The following QRICH1 variants were observed in gnomAD, a reference collection of about 807,000 sequenced individuals.
QRICH1 encodes glutamine rich 1.
In QRICH1, 16 loss-of-function variants were observed where a neutral mutation model predicts 87.1. The observed-to-expected ratio is 0.18, with a 90% CI of 0.12 to 0.28. The LOEUF (loss-of-function observed/expected upper bound fraction) is 0.28, where lower values mean the gene tolerates loss of function less well. Ranked by LOEUF, QRICH1 falls within the 10% of genes least tolerant of loss-of-function variation. The pLI, the probability that QRICH1 is intolerant of heterozygous loss-of-function variation, is 1.00. For synonymous variants in QRICH1, 367 were observed against 368.4 expected (o/e 1.00, Z 0.05); for missense variants, 647 against 951.7 (o/e 0.68, Z 4.21).
In QRICH1 at chr3:49,030,460, T is replaced by C. The variant is rs762397838; in HGVS notation, c.2323A>G (p.Met775Val). ...EAIAVANAST[M>V]H The stretch of plus-strand genomic sequence containing the variant: ...GCCATGGCCAAGGCATCTCAGTGCA[T>C]AGTGCTTGCATTGGCCACTGCGATG... The change falls in exon 10 of 10, where the codon ATG becomes GTG. Residue 775 changes from methionine (M) to valine (V), a missense_variant. Met to Val is a conservative substitution (Grantham distance 21). This residue lies in a region of QRICH1 where 56 missense variants were observed against 79.4 expected (regional missense o/e 0.71). Transcript: ENST00000395443. The C allele has an allele frequency of 3.7e-6, 6 of 1,613,144 alleles. No homozygotes were observed. In the African/African-American group the frequency reaches 4.0e-5, roughly 11 times the overall value.
chr3:49,030,670 G>A (rs781339071), intron 9 of QRICH1, 26 bp from the exon 10 acceptor site: 2 of 1,512,820 alleles, frequency 1.3e-6, no homozygotes, highest in South Asian at 2.6e-5. Context: ...ATAAAAGTTG[G>A]GTACCACCAA....
intron 4 of QRICH1, among the ~76,000 whole-genome samples, 169 bp downstream of exon 4, chr3:49,046,900 T>C (rs967699039): frequency 6.6e-6 from 1 of 152,230 alleles, no homozygotes; most frequent in African/African-American, 2.4e-5. Flanking sequence ...GCTTATTATG[T>C]ACACAAGGTC....
intron 6 of QRICH1, among the ~76,000 whole-genome samples, chr3:49,037,066 C>T (rs2093279713): frequency 1.6e-5 from 2 of 123,332 alleles, no homozygotes; most frequent in South Asian, 3.1e-4. Context: ...TCGAGACCCC[C>T]GTCTCTTAAA....
intron 2 of QRICH1, among the ~76,000 whole-genome samples, chr3:49,058,918 A>G (rs1033686244): frequency 1.3e-5 from 2 of 149,956 alleles, no homozygotes; most frequent in African/African-American, 4.9e-5. Flanking sequence ...GTGAGCCACC[A>G]CGGCCAGCAT....
chr3:49,058,132 TA>T, intron 2 of QRICH1: 1 of 613,906 alleles, frequency 1.6e-6, no homozygotes, highest in Non-Finnish European at 2.6e-6. Context: ...AACTGGGGCC[TA>T]AAAAGGAAAT....
At chr3:49,080,095 A>C (rs1230206716) in intron 1 of QRICH1, among the ~76,000 whole-genome samples, 1 of 152,144 alleles carries the variant, frequency 6.6e-6, no homozygotes, top group Non-Finnish European at 1.5e-5. Flanking sequence ...TGAAACTCTA[A>C]TATCTAATCA....
At chr3:49,078,699 T>C (rs1366666080) in intron 1 of QRICH1, among the ~76,000 whole-genome samples, 1 of 138,972 alleles carries the variant, frequency 7.2e-6, no homozygotes, top group African/African-American at 2.7e-5. Context: ...CTGTCCTTTT[T>C]TTTTTTTTTT....
chr3:49,037,516 G>A (rs912396582), intron 6 of QRICH1, among the ~76,000 whole-genome samples: 13 of 152,338 alleles, frequency 8.5e-5, no homozygotes, highest in South Asian at 4.1e-4. Flanking sequence ...TGGATTGCCT[G>A]AGCTCAAGAG....
At position 49,090,197 on chromosome 3, in the gene QRICH1, C is replaced by T. The variant is rs540861983; in HGVS notation, c.-22+3715G>A. Among the ~76,000 whole-genome samples the T allele has an allele frequency of 3.0e-4, 46 of 152,268 alleles. No individual in the cohort carries two copies. The South Asian group carries it at 5.0e-3, about 16-fold the overall frequency. ...GACATCAGCCGGGCACAGTGGCTCACGCCTGTAATCCCAGCACTGTGGGAG... is the reference window on the plus strand; with the variant it reads ...GACATCAGCCGGGCACAGTGGCTCATGCCTGTAATCCCAGCACTGTGGGAG... On this transcript the variant is annotated intron_variant, in intron 1 of 9. Transcript: ENST00000395443.
chr3:49,067,033 CAA>C (rs966010717), intron 2 of QRICH1, among the ~76,000 whole-genome samples: 1 of 147,000 alleles, frequency 6.8e-6, no homozygotes, highest in African/African-American at 2.5e-5. Context: ...GACTCTGTCT[CAA>C]AAAAAAAGAG....
At chr3:49,071,859 A>C (rs1432919219) in intron 2 of QRICH1, among the ~76,000 whole-genome samples, 6 of 152,060 alleles carry the variant, frequency 3.9e-5, no homozygotes, top group Non-Finnish European at 8.8e-5. Flanking sequence ...TACCCAGTTA[A>C]TTTTTGTACT....
intron 1 of QRICH1, among the ~76,000 whole-genome samples, chr3:49,078,386 CTTTTTTTTTTTTTTTTTT>C (rs60933196): frequency 2.9e-5 from 2 of 69,848 alleles, no homozygotes; most frequent in Non-Finnish European, 5.1e-5. Flanking sequence ...ATTATGGTTC[CTTTTTTTTTTTTTTTTTT>C]TTTTTTTTGA....
chr3:49,041,166 C>G (rs1191170994), intron 6 of QRICH1, among the ~76,000 whole-genome samples: 1 of 151,982 alleles, frequency 6.6e-6, no homozygotes, highest in Non-Finnish European at 1.5e-5. Context: ...ATATGGGTTT[C>G]CCCATATTGG....
At chr3:49,047,037 G>C in intron 4 of QRICH1, 32 bp downstream of exon 4, 1 of 1,591,288 alleles carries the variant, frequency 6.3e-7, no homozygotes, top group Non-Finnish European at 8.6e-7. Flanking sequence ...TTGCATTTTA[G>C]ACACAGCCCA....
At chr3:49,062,339 A>G (rs565573302) in intron 2 of QRICH1, among the ~76,000 whole-genome samples, 9 of 151,406 alleles carry the variant, frequency 5.9e-5, no homozygotes, top group Admixed American at 2.0e-4. Flanking sequence ...CATCTCAGAA[A>G]AAAAAAAAAA....
intron 6 of QRICH1, among the ~76,000 whole-genome samples, chr3:49,043,802 C>T (rs1322683603): frequency 6.6e-6 from 1 of 152,152 alleles, no homozygotes; most frequent in African/African-American, 2.4e-5. Context: ...CACTGCACTC[C>T]ACCCTGGGCT....
intron 6 of QRICH1, among the ~76,000 whole-genome samples, chr3:49,039,487 C>T (rs2093296631): frequency 6.7e-6 from 1 of 150,310 alleles, no homozygotes; most frequent in South Asian, 2.1e-4. Flanking sequence ...TTGAGACCAG[C>T]CTGGACAGGT....
chr3:49,093,329 G>A (rs1426202751), intron 1 of QRICH1: 2 of 152,206 alleles, frequency 1.3e-5, no homozygotes, highest in African/African-American at 2.4e-5. Context: ...GGAACCGCAA[G>A]CCAGACAGCA....
Position 49,057,430 on chromosome 3 carries a change from G to C in QRICH1, c.770C>G (p.Ser257Cys). The C allele has an allele frequency of 6.2e-7, 1 of 1,614,146 alleles. No homozygotes were observed. The highest frequency in any genetic ancestry group is 1.1e-5 in the South Asian group (1 of 91,086). ...KRKVDMPITV[S>C]YAISGQPVAT... ...CACCGGCTGCCCTGAGATGGCGTAG[G>C]ACACAGTGATGGGCATGTCCACTTT... Residue 257 changes from serine (S) to cysteine (C), a missense_variant, in exon 3 of 10, where the codon TCC becomes TGC. Physicochemically the swap from Ser to Cys is moderately radical, Grantham distance 112. Transcript: ENST00000395443. This position sits in a 1 kb window ranked among gnomAD's most constrained non-coding sequence, Gnocchi z 5.4.
Sources: gnomAD v4.1 joint callset for allele counts (sites outside exome capture counted in the v4.1 genomes callset) on GRCh38, gnomAD v4.1.1 for gene constraint, gnomAD v4.1.1 regional missense constraint, Gnocchi (gnomAD v3.1) non-coding constraint, MANE v1.5 for transcripts, NCBI Gene and HGNC (gene_info 2026-07-23, HGNC 2026-07-21) for gene names.